DISC1: variants seen among roughly 807,000 people sequenced by gnomAD.
DISC1 encodes disrupted in schizophrenia 1 protein.
In DISC1, 57 loss-of-function variants were observed where a neutral mutation model predicts 84.5. The observed-to-expected ratio is 0.67, with a 90% CI of 0.55 to 0.84. The LOEUF is 0.84. DISC1 is among the 40% of genes least tolerant of loss of function. The pLI, the probability that DISC1 is intolerant of heterozygous loss-of-function variation, is 0.00. For synonymous variants in DISC1, 411 were observed against 415.2 expected (o/e 0.99, Z 0.12); for missense variants, 1,000 against 1,057.8 (o/e 0.95, Z 0.76).
At chr1:231,865,182 T>G (rs2084960961) in intron 9 of DISC1, among the ~76,000 whole-genome samples, 1 of 152,230 alleles carries the variant, frequency 6.6e-6, no homozygotes, top group South Asian at 2.1e-4. Flanking sequence ...GTCTTCACTC[T>G]AGAGCTCTTT....
intron 1 of DISC1, among the ~76,000 whole-genome samples, chr1:231,692,031 A>G (rs2065088002): frequency 6.6e-6 from 1 of 152,202 alleles, no homozygotes; most frequent in Non-Finnish European, 1.5e-5. Context: ...ACGCTGATAT[A>G]CTTGTAGGCA....
chr1:231,834,226 G>A (rs1030351430), intron 9 of DISC1, among the ~76,000 whole-genome samples: 5 of 152,128 alleles, frequency 3.3e-5, no homozygotes, highest in Admixed American at 1.3e-4. Context: ...GGTGATAAAA[G>A]GATTATAGGG....
At chr1:231,940,926 A>G (rs563488268) in intron 9 of DISC1, 2 of 152,330 alleles carry the variant, frequency 1.3e-5, no homozygotes, top group African/African-American at 4.8e-5. Flanking sequence ...TCTGCTTTCC[A>G]GCTGACATGT....
In DISC1 at chr1:231,847,813, C is replaced by T. The variant is rs58021898; in HGVS notation, c.1981+29296C>T. ...AATGCCAGATCTCATTACCCTGTCT[C>T]AGTGCTCAGTGTGGTACTTATTGCT... is the stretch of plus-strand genomic sequence containing the variant. On this transcript the variant is annotated intron_variant, in intron 9 of 12. Transcript: ENST00000439617. Among the ~76,000 whole-genome samples the T allele has an allele frequency of 2.9e-3, 437 of 152,302 alleles. 2 individuals are homozygous for T. The highest frequency in any genetic ancestry group is 0.01 in the African/African-American group (421 of 41,552).
intron 11 of DISC1, among the ~76,000 whole-genome samples, chr1:232,014,884 G>GTT (rs1668340510): frequency 6.6e-6 from 1 of 152,156 alleles, no homozygotes. Flanking sequence ...ACAAGCACTT[G>GTT]TTTTCACATT....
At chr1:231,927,436 C>G (rs951197360) in intron 9 of DISC1, among the ~76,000 whole-genome samples, 1 of 152,194 alleles carries the variant, frequency 6.6e-6, no homozygotes, top group Non-Finnish European at 1.5e-5. Context: ...TTATCATGTT[C>G]TGGTATCAAA....
chr1:231,771,666 G>T, intron 6 of DISC1: 1 of 842,168 alleles, frequency 1.2e-6, no homozygotes, highest in Non-Finnish European at 1.4e-6. Context: ...TAATTAATAA[G>T]AGAGAAAACT....
At chr1:231,814,881 T>C (rs768124427) in intron 8 of DISC1, 1 of 151,696 alleles carries the variant, frequency 6.6e-6, no homozygotes, top group Admixed American at 6.6e-5. Flanking sequence ...TCCTGACCAC[T>C]TCCTGGCTGA....
chr1:231,721,095 A>G, intron 3 of DISC1: 1 of 1,289,916 alleles, frequency 7.8e-7, no homozygotes, highest in South Asian at 1.2e-5. Flanking sequence ...GTGAGAAATG[A>G]TGTCCTCATC....
chr1:231,938,301 C>T (rs2091103770), intron 9 of DISC1, among the ~76,000 whole-genome samples: 1 of 152,144 alleles, frequency 6.6e-6, no homozygotes, highest in Non-Finnish European at 1.5e-5. Flanking sequence ...GGAAGACTTT[C>T]TCAGGCTGGG....
At chr1:231,854,578 G>A (rs2084125103) in intron 9 of DISC1, among the ~76,000 whole-genome samples, 2 of 152,132 alleles carry the variant, frequency 1.3e-5, no homozygotes, top group East Asian at 1.9e-4. Context: ...TCTTTGCAAG[G>A]CCTCCTCTAG....
intron 9 of DISC1, among the ~76,000 whole-genome samples, chr1:231,928,557 T>C (rs1217491981): frequency 6.6e-6 from 1 of 152,198 alleles, no homozygotes; most frequent in African/African-American, 2.4e-5. Flanking sequence ...CTTATCTCCT[T>C]CAGTTCTGCT....
At chr1:231,845,758 G>A (rs201646308) in intron 9 of DISC1, among the ~76,000 whole-genome samples, 16 of 152,264 alleles carry the variant, frequency 1.1e-4, no homozygotes, top group Middle Eastern at 3.4e-3. Flanking sequence ...AGGTTGAGGG[G>A]TGGGTGGCTG....
At chr1:231,731,910 G>T (rs946314419) in intron 3 of DISC1, among the ~76,000 whole-genome samples, 1 of 152,244 alleles carries the variant, frequency 6.6e-6, no homozygotes, top group Non-Finnish European at 1.5e-5. Context: ...TCACCAGGTA[G>T]ATCTAGTTTC....
intron 9 of DISC1, among the ~76,000 whole-genome samples, chr1:231,855,632 A>G (rs2084215093): frequency 6.6e-6 from 1 of 152,216 alleles, no homozygotes; most frequent in African/African-American, 2.4e-5. Flanking sequence ...CCCTTAAACC[A>G]AGAGTCCTTA....
At chr1:231,872,168 AT>A (rs2085511312) in intron 9 of DISC1, among the ~76,000 whole-genome samples, 3 of 152,216 alleles carry the variant, frequency 2.0e-5, no homozygotes, top group African/African-American at 7.2e-5. Flanking sequence ...TATCTCAAAA[AT>A]GAGAACTTTC....
At position 232,028,141 on chromosome 1, in the gene DISC1, T is replaced by C. The variant is rs184478953; in HGVS notation, c.2425+1589T>C. On this transcript the variant is annotated intron_variant, in intron 12 of 12. Transcript: ENST00000439617. ...AGAATAAGGATGGCGTTTTTATTTATTCCATGTTCATGGGATCACAAATCT... is the reference window on the plus strand; with the variant it reads ...AGAATAAGGATGGCGTTTTTATTTACTCCATGTTCATGGGATCACAAATCT... Among the ~76,000 whole-genome samples the C allele has an allele frequency of 2.0e-3, 310 of 152,322 alleles. 4 individuals carry two copies. The highest frequency in any genetic ancestry group is 7.1e-3 in the African/African-American group (294 of 41,574).
At chr1:231,691,242 C>G (rs2064966804) in intron 1 of DISC1, among the ~76,000 whole-genome samples, 1 of 151,962 alleles carries the variant, frequency 6.6e-6, no homozygotes, top group Non-Finnish European at 1.5e-5. Context: ...ACCAGCCTGG[C>G]CAATATGGTG....
chr1:231,695,082 C>T (rs1020119433), intron 2 of DISC1, among the ~76,000 whole-genome samples: 10 of 152,318 alleles, frequency 6.6e-5, no homozygotes, highest in Non-Finnish European at 1.0e-4. Context: ...TTAGGTGAGA[C>T]GTGGTTCATG....
Sources: gnomAD v4.1 joint callset for allele counts (sites outside exome capture counted in the v4.1 genomes callset) on GRCh38, gnomAD v4.1.1 for gene constraint, MANE v1.5 for transcripts, NCBI Gene and HGNC (gene_info 2026-07-23, HGNC 2026-07-21) for gene names.